TENM2: variants seen among roughly 807,000 people sequenced by gnomAD.
TENM2 encodes teneurin transmembrane protein 2.
TENM2 carries 52 observed loss-of-function variants against 245.2 expected under a neutral mutation model. That is an observed-to-expected ratio of 0.21 (90% CI 0.17 to 0.27). The LOEUF is 0.27. TENM2 is among the 10% of genes least tolerant of loss of function. TENM2 has a pLI of 1.00. For missense variants in TENM2, 3,046 were observed against 3,666.8 expected, an observed-to-expected ratio of 0.83 and a Z score of 4.37; for synonymous variants, 1,363 against 1,438.9, an observed-to-expected ratio of 0.95 and a Z score of 1.19.
the TENM2 span, among the ~76,000 whole-genome samples, chr5:167,045,978 A>G: frequency 6.6e-6 from 1 of 152,204 alleles, no homozygotes; most frequent in Non-Finnish European, 1.5e-5. Flanking sequence ...AGTTTCTCCT[A>G]GAGAGATAGA....
At chr5:168,138,545 C>G (rs1300261787) in intron 12 of TENM2, among the ~76,000 whole-genome samples, 1 of 152,240 alleles carries the variant, frequency 6.6e-6, no homozygotes, top group African/African-American at 2.4e-5. Context: ...CACACAGGTG[C>G]TCGTGGCCCT....
Position 168,244,678 on chromosome 5 carries a change from G to A in TENM2, c.5779G>A (p.Ala1927Thr), listed in dbSNP as rs746005117. Reference sequence around the variant, plus strand: ...AGGCCGCATCGTGTCCCGCATGTTCGCTGACGGGAAAGTGTGGAGCTACTC... The same window carrying A: ...AGGCCGCATCGTGTCCCGCATGTTCACTGACGGGAAAGTGTGGAGCTACTC... Residue 1927 changes from alanine to threonine, a missense_variant, in exon 26 of 29, where the codon GCT becomes ACT. Around this residue, in one of 2 missense-constraint regions of TENM2, gnomAD observed 2,704 missense variants for 3,331.9 expected, o/e 0.81. Transcript: ENST00000518659. The surrounding 1 kb of genome is among the most constrained non-coding windows in gnomAD (Gnocchi z 4.9). The A allele has an allele frequency of 1.1e-5, 16 of 1,492,406 alleles. No homozygotes were observed. Among genetic ancestry groups the A allele is most frequent in the South Asian group, 9.6e-5 (7 of 72,874 alleles). The allele number at this position is 1,492,406 out of a possible 1,614,324, so 92.4% of individuals were successfully genotyped here.
chr5:167,321,801 TGGGGGGGGGGGCGGG>T (rs1161645257), intron 1 of TENM2, among the ~76,000 whole-genome samples: 1 of 7,280 alleles, frequency 1.4e-4, no homozygotes, highest in East Asian at 6.0e-3. Flanking sequence ...TTTTTTTTTT[TGGGGGGGGGGGCGGG>T]GGGGGGGGTG....
chr5:167,862,905 C>A (rs560312164), intron 2 of TENM2, among the ~76,000 whole-genome samples: 68 of 152,266 alleles, frequency 4.5e-4, no homozygotes, highest in African/African-American at 1.6e-3. Context: ...GAGCTCGCTG[C>A]AGACTGTCTA....
At chr5:167,105,995 G>A in the TENM2 span, among the ~76,000 whole-genome samples, 3 of 141,118 alleles carry the variant, frequency 2.1e-5, no homozygotes, top group African/African-American at 8.2e-5. Flanking sequence ...TAATATGAAT[G>A]AAAAATGATG....
At chr5:168,006,918 C>T (rs1172778191) in intron 5 of TENM2, among the ~76,000 whole-genome samples, 1 of 152,206 alleles carries the variant, frequency 6.6e-6, no homozygotes, top group African/African-American at 2.4e-5. Context: ...ACCTGGGTGC[C>T]TGCCAGGGAT....
chr5:167,080,452 G>T, the TENM2 span, among the ~76,000 whole-genome samples: 1 of 152,134 alleles, frequency 6.6e-6, no homozygotes, highest in Non-Finnish European at 1.5e-5. Flanking sequence ...ACATTTCAAA[G>T]ATGTTCCTGA....
chr5:167,897,712 G>T (rs1439207735), intron 3 of TENM2, among the ~76,000 whole-genome samples: 1 of 152,152 alleles, frequency 6.6e-6, no homozygotes, highest in Non-Finnish European at 1.5e-5. Flanking sequence ...TGCCTCATTT[G>T]TGAGGGCTGC....
chr5:166,987,754 G>C, the TENM2 span, among the ~76,000 whole-genome samples: 1 of 152,016 alleles, frequency 6.6e-6, no homozygotes, highest in Admixed American at 6.6e-5. Flanking sequence ...ATGCCCCCAA[G>C]CTGTCAATTT....
At chr5:167,101,841 ATATATATT>A in the TENM2 span, among the ~76,000 whole-genome samples, 903 of 101,030 alleles carry the variant, frequency 8.9e-3, 26 homozygotes, top group African/African-American at 0.038. Context: ...ACATTTATAT[ATATATATT>A]TATATATATA....
chr5:168,115,569 T>C (rs1795022908), intron 9 of TENM2, among the ~76,000 whole-genome samples: 1 of 152,202 alleles, frequency 6.6e-6, no homozygotes, highest in Non-Finnish European at 1.5e-5. Flanking sequence ...TTGATGTAAC[T>C]TTCTCTGCCA....
chr5:167,698,667 GTTTTGTT>G (rs1323499830), intron 2 of TENM2, among the ~76,000 whole-genome samples: 23 of 118,658 alleles, frequency 1.9e-4, no homozygotes, highest in African/African-American at 5.3e-4. Context: ...TGTGTGTTTT[GTTTTGTT>G]TTTTGTTTTT....
intron 2 of TENM2, among the ~76,000 whole-genome samples, chr5:167,846,801 T>G (rs1056847388): frequency 6.6e-6 from 1 of 152,206 alleles, no homozygotes; most frequent in Non-Finnish European, 1.5e-5. Context: ...AATAAACTTG[T>G]CTTCCCCTCT....
At chr5:167,789,400 A>G (rs1169944873) in intron 2 of TENM2, among the ~76,000 whole-genome samples, 1 of 152,140 alleles carries the variant, frequency 6.6e-6, no homozygotes, top group Non-Finnish European at 1.5e-5. Context: ...ACAAAGTTAA[A>G]CTCACTTCAT....
chr5:167,571,074 G>A (rs1774237865), intron 2 of TENM2, among the ~76,000 whole-genome samples: 1 of 152,202 alleles, frequency 6.6e-6, no homozygotes, highest in African/African-American at 2.4e-5. Context: ...CATCCATTTT[G>A]AGGTGATGAA....
intron 5 of TENM2, among the ~76,000 whole-genome samples, chr5:168,031,472 T>C (rs549682981): frequency 5.5e-4 from 84 of 152,330 alleles, no homozygotes; most frequent in African/African-American, 1.9e-3. Flanking sequence ...TGTCGGGTTC[T>C]TAACTGTGTG....
chr5:167,533,802 GA>G (rs1771679177), intron 2 of TENM2, among the ~76,000 whole-genome samples: 2 of 152,220 alleles, frequency 1.3e-5, no homozygotes, highest in Admixed American at 1.3e-4. Flanking sequence ...CATGGCAGGG[GA>G]TGCAACAGAA....
intron 6 of TENM2, among the ~76,000 whole-genome samples, chr5:168,052,039 C>T (rs913855905): frequency 1.3e-5 from 2 of 151,800 alleles, no homozygotes; most frequent in Non-Finnish European, 2.9e-5. Flanking sequence ...GTGAGAGGAT[C>T]ACTTAAGGCC....
chr5:168,258,721 G>A (rs1164215850), intron 27 of TENM2, among the ~76,000 whole-genome samples: 1 of 152,172 alleles, frequency 6.6e-6, no homozygotes, highest in East Asian at 1.9e-4. Flanking sequence ...TTTGTGGGAG[G>A]GGTAATGCAG....
Sources: allele counts gnomAD v4.1 joint callset (sites outside exome capture counted in the v4.1 genomes callset), GRCh38; gene constraint gnomAD v4.1.1; regional missense constraint gnomAD v4.1.1; non-coding constraint Gnocchi (gnomAD v3.1); transcripts MANE v1.5; gene names NCBI Gene and HGNC (gene_info 2026-07-23, HGNC 2026-07-21).